The following PRKDC variants were observed in gnomAD, a reference collection of about 807,000 sequenced individuals.
PRKDC encodes the protein DNA-dependent protein kinase catalytic subunit.
In PRKDC, 82 loss-of-function variants were observed where a neutral mutation model predicts 486.9. The ratio of observed to expected loss-of-function variants is 0.17; its 90% confidence interval spans 0.14 to 0.20. PRKDC has a LOEUF of 0.20. Ranked by LOEUF, PRKDC falls within the 10% of genes least tolerant of loss-of-function variation. The probability of loss-of-function intolerance (pLI) is 1.00; values close to 1 mark genes in which losing one functional copy is unlikely to be tolerated. For missense variants in PRKDC, 4,504 were observed against 5,038.2 expected (o/e 0.89, Z 3.21); for synonymous variants, 1,895 against 1,837.0 (o/e 1.03, Z -0.81).
At chr8:47,833,656 A>G (rs979376387) in intron 59 of PRKDC, among the ~76,000 whole-genome samples, 18 of 152,052 alleles carry the variant, frequency 1.2e-4, no homozygotes, top group African/African-American at 3.4e-4. Context: ...CCCCACACCC[A>G]CAAGACTGTC....
intron 30 of PRKDC, among the ~76,000 whole-genome samples, chr8:47,895,846 C>T (rs763931789): frequency 5.9e-5 from 9 of 152,186 alleles, no homozygotes; most frequent in Non-Finnish European, 1.3e-4. Flanking sequence ...TGAGACCAGA[C>T]TGGCCAACAT....
Position 47,826,854 on chromosome 8 carries a change from C to G in PRKDC, c.8585G>C (p.Ser2862Thr), listed in dbSNP as rs56261251. 8 of 1,576,834 alleles carry G rather than the reference C, an allele frequency of 5.1e-6. No homozygotes were observed. The East Asian group carries it at 1.8e-4, about 36-fold the overall frequency. Reference protein sequence around the residue: ...PPFVSCIQDISCQHAALLSLD... With the variant: ...PPFVSCIQDITCQHAALLSLD... ...GCTCAGCAGGGCTGCGTGCTGACAG[C>G]TAATGTCCTGTGAAACCACACATAC... The change falls in exon 63 of 86, where the codon AGC becomes ACC. Residue 2862 changes from serine (S) to threonine (T), a missense_variant. Ser to Thr is a moderately conservative substitution (Grantham distance 58, BLOSUM62 1). Transcript: ENST00000314191.
Position 47,937,322 on chromosome 8 carries a change from C to A in PRKDC, c.1114-805G>T, listed in dbSNP as rs145702767. 4.0e-3 allele frequency among the ~76,000 whole-genome samples: 602 copies of A among 152,078 alleles called. 4 individuals carry two copies. Among genetic ancestry groups the A allele is most frequent in the South Asian group, 0.025 (119 of 4,816 alleles). ...AGATGCTTTGTATAATAATCTGTAA[C>A]CACATTTTAAATATTTATTCACACA... On this transcript the variant is annotated intron_variant, in intron 11 of 85. Transcript: ENST00000314191.
Position 47,935,522 on chromosome 8 carries a change from A to G in PRKDC, c.1447+210T>C, listed in dbSNP as rs77876657. 2.4e-3 allele frequency among the ~76,000 whole-genome samples: 364 copies of G among 152,170 alleles called. 2 individuals carry two copies. The highest frequency in any genetic ancestry group is 8.3e-3 in the African/African-American group (345 of 41,548). ...TCACCAAAAAAAATGAAAAAAAACT[A>G]TTAAAATTAATAGTTCTATTAATAG... On this transcript the variant is annotated intron_variant, in intron 13 of 85. Coordinates refer to ENST00000314191, the MANE Select transcript of PRKDC (RefSeq NM_006904.7).
chr8:47,837,769 C>T (rs1016206709), intron 56 of PRKDC, among the ~76,000 whole-genome samples: 2 of 152,046 alleles, frequency 1.3e-5, no homozygotes, highest in Non-Finnish European at 2.9e-5. Flanking sequence ...ACACAAAATC[C>T]TTCACTGCCT....
At chr8:47,921,227 C>A (rs1199540588) in intron 21 of PRKDC, among the ~76,000 whole-genome samples, 1 of 151,798 alleles carries the variant, frequency 6.6e-6, no homozygotes, top group Non-Finnish European at 1.5e-5. Context: ...TGCGCTCCAG[C>A]CTGGGCGACA....
At chr8:47,876,186 A>ATT (rs2089089047) in intron 40 of PRKDC, among the ~76,000 whole-genome samples, 1 of 152,220 alleles carries the variant, frequency 6.6e-6, no homozygotes, top group Admixed American at 6.5e-5. Flanking sequence ...CATACTCAAT[A>ATT]AACTACCTAA....
At chr8:47,913,528 C>T (rs1047645623) in intron 24 of PRKDC, among the ~76,000 whole-genome samples, 2 of 152,126 alleles carry the variant, frequency 1.3e-5, no homozygotes, top group Non-Finnish European at 2.9e-5. Flanking sequence ...TACCGAGTAG[C>T]TGAGACTACA....
chr8:47,843,141 C>A (rs1224740933), intron 54 of PRKDC, among the ~76,000 whole-genome samples: 2 of 152,070 alleles, frequency 1.3e-5, no homozygotes, highest in Non-Finnish European at 2.9e-5. Context: ...TGCACTTCGG[C>A]CTGGGTTACA....
intron 74 of PRKDC, among the ~76,000 whole-genome samples, chr8:47,793,112 G>A (rs568473712): frequency 6.6e-6 from 1 of 152,172 alleles, no homozygotes; most frequent in Non-Finnish European, 1.5e-5. Context: ...ATGAACTCTT[G>A]GCCTCAAGCG....
intron 85 of PRKDC, among the ~76,000 whole-genome samples, chr8:47,774,615 C>T (rs1241010887): frequency 2.6e-5 from 4 of 152,084 alleles, no homozygotes; most frequent in African/African-American, 4.8e-5. Flanking sequence ...CTAGGATTCA[C>T]CTAGGAGTGG....
chr8:47,956,976 TCC>T (rs768477532), intron 3 of PRKDC, among the ~76,000 whole-genome samples, 193 bp downstream of exon 3: 1 of 74,416 alleles, frequency 1.3e-5, no homozygotes, highest in Non-Finnish European at 2.4e-5. Context: ...AAACTCCTTC[TCC>T]AAAAAAAAAA....
At chr8:47,897,581 C>T (rs2089604446) in intron 29 of PRKDC, among the ~76,000 whole-genome samples, 1 of 152,070 alleles carries the variant, frequency 6.6e-6, no homozygotes, top group African/African-American at 2.4e-5. Flanking sequence ...TGCAATATAC[C>T]TTGTAAAGCA....
chr8:47,926,092 C>G (rs977327992), intron 21 of PRKDC, among the ~76,000 whole-genome samples: 7 of 151,966 alleles, frequency 4.6e-5, no homozygotes, highest in African/African-American at 1.7e-4. Flanking sequence ...AATGAGTTAA[C>G]AGAACTCAAA....
At chr8:47,959,893 G>A in intron 1 of PRKDC, 80 bp downstream of exon 1, 1 of 1,501,516 alleles carries the variant, frequency 6.7e-7, no homozygotes, top group Non-Finnish European at 8.9e-7. Flanking sequence ...TCTAAACACA[G>A]AGAAGCGCCG....
At chr8:47,896,831 T>C (rs200378495) in intron 30 of PRKDC, among the ~76,000 whole-genome samples, 2 of 152,172 alleles carry the variant, frequency 1.3e-5, no homozygotes, top group Non-Finnish European at 2.9e-5. Context: ...TTGGACTTAA[T>C]GGACAAAACT....
intron 61 of PRKDC, 40 bp from the exon 62 acceptor site, chr8:47,828,387 G>A (rs771753041): frequency 6.2e-5 from 92 of 1,492,300 alleles, no homozygotes; most frequent in Non-Finnish European, 8.1e-5. Context: ...AGGATCTGAA[G>A]CAAAAATGCT....
chr8:47,906,765 T>C (rs1279120658), intron 25 of PRKDC, among the ~76,000 whole-genome samples: 6 of 151,464 alleles, frequency 4.0e-5, no homozygotes, highest in African/African-American at 1.4e-4. Context: ...CCACGGTTAT[T>C]GAGCTCAACA....
Position 47,782,857 on chromosome 8 carries a change from G to T in PRKDC, c.11176-259C>A, listed in dbSNP as rs914271774. The T allele has an allele frequency of 5.5e-5, 30 of 540,990 alleles. 1 individual carries two copies. Among genetic ancestry groups the T allele is most frequent in the Non-Finnish European group, 9.0e-5 (27 of 301,222 alleles). The allele number at this position is 540,990 out of a possible 1,614,324, so 33.5% of individuals were successfully genotyped here. A position where few individuals can be genotyped will look rare whatever the true frequency, so the allele number is the denominator to read the frequency against. On this transcript the variant is annotated intron_variant, in intron 78 of 85. Coordinates refer to ENST00000314191, the MANE Select transcript of PRKDC (RefSeq NM_006904.7). This position sits in a 1 kb window ranked among gnomAD's most constrained non-coding sequence, Gnocchi z 4.9. ...TTTAGCAAGCAGCAACAGCCAACAT[G>T]CAAACTTTCTACAGTAGTAAGCTAA...
Sources: gnomAD v4.1 joint callset for allele counts (sites outside exome capture counted in the v4.1 genomes callset) on GRCh38, gnomAD v4.1.1 for gene constraint, Gnocchi (gnomAD v3.1) non-coding constraint, MANE v1.5 for transcripts, NCBI Gene and HGNC (gene_info 2026-07-23, HGNC 2026-07-21) for gene names.